Variants in TBL1XR1 observed in about 807,000 individuals in gnomAD.
The protein encoded by TBL1XR1 is TBL1X/Y related 1, also known as F-box-like/WD repeat-containing protein TBL1XR1.
A neutral mutation model predicts 66.9 loss-of-function variants in TBL1XR1; 5 were observed. The observed-to-expected ratio is 0.07, with a 90% CI of 0.04 to 0.16. The LOEUF is 0.16. TBL1XR1 is among the 10% of genes least tolerant of loss of function. TBL1XR1 has a pLI of 1.00. For synonymous variants in TBL1XR1, 210 were observed against 206.0 expected (o/e 1.02, Z -0.17); for missense variants, 238 against 623.2 (o/e 0.38, Z 6.58).
intron 1 of TBL1XR1, among the ~76,000 whole-genome samples, 162 bp downstream of exon 1, chr3:177,196,959 T>A (rs1736942931): frequency 6.6e-6 from 1 of 151,200 alleles, no homozygotes; most frequent in Admixed American, 6.6e-5. Context: ...CTGCCTTCCC[T>A]TCCCCCACGC....
intron 2 of TBL1XR1, among the ~76,000 whole-genome samples, chr3:177,067,058 TTC>T (rs1224766524): frequency 9.8e-5 from 15 of 152,316 alleles, no homozygotes; most frequent in African/African-American, 3.6e-4. Context: ...ATGGTAAATG[TTC>T]TGGCAGGACA....
Position 177,047,534 on chromosome 3 carries a change from G to A in TBL1XR1, c.718C>T (p.Leu240=), listed in dbSNP as rs1413949999. The change falls in exon 8 of 16, where the codon CTA becomes TTA. Residue 240 remains leucine, a synonymous_variant. Coordinates refer to ENST00000457928, the MANE Select transcript of TBL1XR1 (RefSeq NM_024665.7). ...SLDWNSEGTL[L]ATGSYDGFAR... ...AACCCATCATAGGAACCAGTTGCTA[G>A]AAGTGTACCTTCACTCTGCCAGAGA... 1 of 1,612,916 alleles carries A rather than the reference G, an allele frequency of 6.2e-7. No individual in the cohort carries two copies. Among genetic ancestry groups the A allele is most frequent in the Admixed American group, 1.7e-5 (1 of 59,928 alleles).
intron 1 of TBL1XR1, among the ~76,000 whole-genome samples, chr3:177,131,008 T>C (rs1268344586): frequency 6.6e-6 from 1 of 152,090 alleles, no homozygotes; most frequent in Non-Finnish European, 1.5e-5. Flanking sequence ...AAATAAAAAA[T>C]TTTAAAACGT....
chr3:177,190,154 A>T (rs1257235980), intron 1 of TBL1XR1, among the ~76,000 whole-genome samples: 1 of 145,948 alleles, frequency 6.9e-6, no homozygotes, highest in Non-Finnish European at 1.5e-5. Flanking sequence ...AAAAAAAAAA[A>T]AAAAAAAAGA....
At chr3:177,198,080 ATTTG>A (rs745958767), upstream of TBL1XR1, among the ~76,000 whole-genome samples, 8 of 152,170 alleles carry the variant, frequency 5.3e-5, no homozygotes, top group South Asian at 4.1e-4. Flanking sequence ...TCATATGGAC[ATTTG>A]TTTGTGAAAA....
intron 12 of TBL1XR1, 117 bp downstream of exon 12, chr3:177,037,981 T>C: frequency 1.3e-6 from 1 of 762,518 alleles, no homozygotes; most frequent in South Asian, 2.3e-5. Context: ...AATGTTGGAG[T>C]TTTCATGCAG....
At chr3:177,105,004 C>T (rs1026540322) in intron 1 of TBL1XR1, among the ~76,000 whole-genome samples, 3 of 152,194 alleles carry the variant, frequency 2.0e-5, no homozygotes, top group Admixed American at 2.0e-4. Flanking sequence ...TAACATAAGT[C>T]AAGTGTATTA....
intron 1 of TBL1XR1, among the ~76,000 whole-genome samples, chr3:177,129,902 T>C (rs570125505): frequency 4.9e-4 from 74 of 152,106 alleles, no homozygotes; most frequent in Non-Finnish European, 9.3e-4. Context: ...CCCAGCACTT[T>C]GGGAGGCCGA....
intron 1 of TBL1XR1, among the ~76,000 whole-genome samples, chr3:177,156,368 G>A (rs1343927147): frequency 3.4e-5 from 5 of 148,990 alleles, no homozygotes; most frequent in Admixed American, 6.7e-5. Flanking sequence ...GTGTGGTGGC[G>A]GGCGCCTGTA....
At chr3:177,051,346 C>G (rs1717059587) in intron 5 of TBL1XR1, among the ~76,000 whole-genome samples, 158 bp downstream of exon 5, 1 of 151,980 alleles carries the variant, frequency 6.6e-6, no homozygotes, top group Non-Finnish European at 1.5e-5. Flanking sequence ...CTATTGGGCA[C>G]TAGGCTTAGT....
intron 1 of TBL1XR1, among the ~76,000 whole-genome samples, chr3:177,104,354 T>C (rs182629801): frequency 1.3e-3 from 202 of 152,278 alleles, no homozygotes; most frequent in African/African-American, 4.8e-3. Flanking sequence ...ATCTTCTTAA[T>C]CCGTTTTACA....
chr3:177,128,558 G>C (rs1408933621), intron 1 of TBL1XR1, among the ~76,000 whole-genome samples: 1 of 152,132 alleles, frequency 6.6e-6, no homozygotes, highest in Non-Finnish European at 1.5e-5. Flanking sequence ...ATTTTTAGTA[G>C]AGATGGGGTT....
chr3:177,098,912 T>C (rs141065464), intron 1 of TBL1XR1, among the ~76,000 whole-genome samples: 1 of 152,374 alleles, frequency 6.6e-6, no homozygotes, highest in East Asian at 1.9e-4. Flanking sequence ...TTGCATTCTA[T>C]ATTGTTTAAT....
chr3:177,056,826 ATCTGTAGATGCTCATCACCTTACCTTT>A (rs1717860970), intron 3 of TBL1XR1, among the ~76,000 whole-genome samples: 2 of 151,984 alleles, frequency 1.3e-5, no homozygotes, highest in Admixed American at 6.6e-5. Flanking sequence ...CCACTCTACC[ATCTGTAGATGCTCATCACCTTACCTTT>A]TCTGCCAGAT....
At chr3:177,103,172 G>A (rs759709181) in intron 1 of TBL1XR1, among the ~76,000 whole-genome samples, 1 of 152,182 alleles carries the variant, frequency 6.6e-6, no homozygotes, top group Non-Finnish European at 1.5e-5. Context: ...AAATGCTTGA[G>A]AGAACCTGGT....
At chr3:177,080,608 G>A (rs529219118) in intron 2 of TBL1XR1, among the ~76,000 whole-genome samples, 11 of 152,076 alleles carry the variant, frequency 7.2e-5, no homozygotes, top group Non-Finnish European at 1.3e-4. Context: ...TGACAATAAA[G>A]CTAACTGAAA....
At chr3:177,089,052 C>G (rs1722506188) in intron 2 of TBL1XR1, among the ~76,000 whole-genome samples, 1 of 152,210 alleles carries the variant, frequency 6.6e-6, no homozygotes, top group Admixed American at 6.5e-5. Context: ...AGGGTCACAA[C>G]TCCTTGGGGT....
At chr3:177,065,955 C>G (rs541980432) in intron 2 of TBL1XR1, among the ~76,000 whole-genome samples, 3 of 152,026 alleles carry the variant, frequency 2.0e-5, no homozygotes, top group East Asian at 1.9e-4. Flanking sequence ...TTCCTAAGCA[C>G]TTATAAAAAT....
At chr3:177,064,045 C>G (rs1327612158) in intron 3 of TBL1XR1, among the ~76,000 whole-genome samples, 1 of 152,152 alleles carries the variant, frequency 6.6e-6, no homozygotes, top group Non-Finnish European at 1.5e-5. Context: ...ACTGGGGGCT[C>G]AATATTCTAC....
Sources: gnomAD v4.1 joint callset for allele counts (sites outside exome capture counted in the v4.1 genomes callset) on GRCh38, gnomAD v4.1.1 for gene constraint, MANE v1.5 for transcripts, NCBI Gene and HGNC (gene_info 2026-07-23, HGNC 2026-07-21) for gene names.